STAP1: variants seen among roughly 807,000 people sequenced by gnomAD.
The protein encoded by STAP1 is signal transducing adaptor family member 1.
STAP1 carries 30 observed loss-of-function variants against 37.8 expected under a neutral mutation model. That is an observed-to-expected ratio of 0.79 (90% CI 0.59 to 1.08). STAP1 has a LOEUF of 1.08. STAP1 is among the 50% of genes least tolerant of loss of function. The pLI is 0.00. For synonymous variants in STAP1, 130 were observed against 116.0 expected (o/e 1.12, Z -0.78); for missense variants, 357 against 349.4 (o/e 1.02, Z -0.17).
intron 7 of STAP1, among the ~76,000 whole-genome samples, chr4:67,591,243 C>T (rs144797188): frequency 3.7e-4 from 57 of 152,272 alleles, no homozygotes; most frequent in African/African-American, 1.3e-3. Context: ...TATAAATCTT[C>T]AAATATGTTT....
At chr4:67,595,680 G>A (rs1446940475) in intron 8 of STAP1, among the ~76,000 whole-genome samples, 1 of 152,146 alleles carries the variant, frequency 6.6e-6, no homozygotes, top group Non-Finnish European at 1.5e-5. Flanking sequence ...TAACTTCGTA[G>A]TAATTCTTGA....
intron 1 of STAP1, among the ~76,000 whole-genome samples, chr4:67,563,683 A>C (rs1727402819): frequency 6.6e-6 from 1 of 152,200 alleles, no homozygotes. Flanking sequence ...AGCCTGAGCA[A>C]CAGAGCGAGA....
At chr4:67,595,818 G>T (rs549882513) in intron 8 of STAP1, among the ~76,000 whole-genome samples, 1 of 152,258 alleles carries the variant, frequency 6.6e-6, no homozygotes, top group East Asian at 1.9e-4. Flanking sequence ...ATCCTCCTGA[G>T]ACTTTGACTG....
At chr4:67,567,087 T>TG (rs1468703425) in intron 1 of STAP1, among the ~76,000 whole-genome samples, 1 of 152,146 alleles carries the variant, frequency 6.6e-6, no homozygotes, top group Non-Finnish European at 1.5e-5. Flanking sequence ...ACATCCTATA[T>TG]AAAAAGAAGG....
intron 5 of STAP1, 56 bp from the exon 6 acceptor site, chr4:67,583,517 AG>A: frequency 6.6e-7 from 1 of 1,504,244 alleles, no homozygotes; most frequent in Non-Finnish European, 8.9e-7. Flanking sequence ...ATTTTTTTCA[AG>A]TAATGATCTT....
Position 67,604,713 on chromosome 4 carries a change from G to C in STAP1, c.827-1583G>C, listed in dbSNP as rs138984816. Among the ~76,000 whole-genome samples, 19 of 152,250 alleles carry C rather than the reference G, an allele frequency of 1.2e-4. No individual in the cohort carries two copies. The East Asian group carries it at 3.1e-3, about 25-fold the overall frequency. ...TTCATATATCAAGTAATTCTGAATT[G>C]TGTCTTGGACATTTTGAATATTATG... On this transcript the variant is annotated intron_variant, in intron 8 of 8. Transcript: ENST00000265404.
At chr4:67,600,036 AC>A (rs1430396418) in intron 8 of STAP1, among the ~76,000 whole-genome samples, 3 of 151,962 alleles carry the variant, frequency 2.0e-5, no homozygotes, top group East Asian at 1.9e-4. Flanking sequence ...TGTTTCTTCT[AC>A]TAATTTTGGG....
At chr4:67,578,246 C>A (rs1338046515) in intron 4 of STAP1, among the ~76,000 whole-genome samples, 3 of 152,152 alleles carry the variant, frequency 2.0e-5, no homozygotes, top group African/African-American at 7.2e-5. Flanking sequence ...TCTTTGATAA[C>A]CAGCCTCCCA....
chr4:67,568,628 T>A (rs1727526743), intron 1 of STAP1, among the ~76,000 whole-genome samples: 1 of 152,206 alleles, frequency 6.6e-6, no homozygotes, highest in South Asian at 2.1e-4. Flanking sequence ...TATGAATGTA[T>A]TAATAATTAA....
At chr4:67,593,975 C>T (rs1480837537) in intron 8 of STAP1, among the ~76,000 whole-genome samples, 3 of 152,152 alleles carry the variant, frequency 2.0e-5, no homozygotes, top group Non-Finnish European at 2.9e-5. Flanking sequence ...ACCATCAAAC[C>T]GAGCATGAGA....
chr4:67,594,796 AATG>A (rs1314245481), intron 8 of STAP1, among the ~76,000 whole-genome samples: 1 of 152,186 alleles, frequency 6.6e-6, no homozygotes, highest in African/African-American at 2.4e-5. Context: ...ACTGAATAAT[AATG>A]TTGAGCATCT....
At chr4:67,595,834 T>C (rs1405491716) in intron 8 of STAP1, among the ~76,000 whole-genome samples, 1 of 152,232 alleles carries the variant, frequency 6.6e-6, no homozygotes, top group Non-Finnish European at 1.5e-5. Flanking sequence ...GACTGGATTA[T>C]GTCGAATCTG....
chr4:67,595,699 G>A (rs1300042940), intron 8 of STAP1, among the ~76,000 whole-genome samples: 1 of 152,116 alleles, frequency 6.6e-6, no homozygotes, highest in Admixed American at 6.5e-5. Context: ...GAAATTAGGA[G>A]GATTAGTTTG....
intron 6 of STAP1, among the ~76,000 whole-genome samples, chr4:67,586,842 C>T (rs2129607): frequency 0.46 from 69,498 of 151,944 alleles, 17,236 homozygotes; most frequent in Non-Finnish European, 0.58. Flanking sequence ...ATCATTCTCC[C>T]CCTGCAAAAG....
At chr4:67,563,190 G>A (rs191506956) in intron 1 of STAP1, among the ~76,000 whole-genome samples, 179 of 152,298 alleles carry the variant, frequency 1.2e-3, no homozygotes, top group African/African-American at 4.0e-3. Context: ...GAATTTGGGC[G>A]ATTCCTTCAC....
At chr4:67,600,461 A>C (rs1192235734) in intron 8 of STAP1, among the ~76,000 whole-genome samples, 1 of 152,108 alleles carries the variant, frequency 6.6e-6, no homozygotes, top group Non-Finnish European at 1.5e-5. Context: ...GTTCTGAAGG[A>C]AAAAATGTGT....
intron 5 of STAP1, among the ~76,000 whole-genome samples, chr4:67,583,199 G>A (rs530679188): frequency 5.4e-4 from 82 of 152,272 alleles, no homozygotes; most frequent in African/African-American, 1.8e-3. Flanking sequence ...ATTTACAGAT[G>A]TTTTGTATCC....
chr4:67,592,692 T>C (rs3775878), intron 7 of STAP1, among the ~76,000 whole-genome samples: 54,153 of 151,794 alleles, frequency 0.36, 11,587 homozygotes, highest in East Asian at 0.64. Context: ...TTTGCTCCCC[T>C]CATTTTTTAA....
chr4:67,575,966 C>T (rs559193667), intron 3 of STAP1, among the ~76,000 whole-genome samples: 6 of 152,298 alleles, frequency 3.9e-5, no homozygotes, highest in Non-Finnish European at 7.4e-5. Flanking sequence ...TCCCCCAACT[C>T]AAAACCTATA....
Sources: allele counts gnomAD v4.1 joint callset (sites outside exome capture counted in the v4.1 genomes callset), GRCh38; gene constraint gnomAD v4.1.1; transcripts MANE v1.5; gene names NCBI Gene and HGNC (gene_info 2026-07-23, HGNC 2026-07-21).